COG5: variants seen among roughly 807,000 people sequenced by gnomAD.
COG5 encodes the protein component of oligomeric golgi complex 5, also known as conserved oligomeric Golgi complex subunit 5.
In COG5, 86 loss-of-function variants were observed where a neutral mutation model predicts 110.4. That is an observed-to-expected ratio of 0.78 (90% CI 0.65 to 0.93). The LOEUF is 0.93. Among genes scored for constraint, COG5 ranks in the 40% least tolerant of loss-of-function variants. The pLI is 0.00. For synonymous variants in COG5, 360 were observed against 334.6 expected, an observed-to-expected ratio of 1.08 and a Z score of -0.83; for missense variants, 1,077 against 987.0, an observed-to-expected ratio of 1.09 and a Z score of -1.22.
intron 6 of COG5, among the ~76,000 whole-genome samples, chr7:107,452,788 C>T (rs1200745523): frequency 6.6e-6 from 1 of 152,056 alleles, no homozygotes; most frequent in African/African-American, 2.4e-5. Flanking sequence ...TCTTGTATTC[C>T]CCATCTTTAA....
intron 7 of COG5, among the ~76,000 whole-genome samples, chr7:107,407,971 A>G (rs2129064344): frequency 6.6e-6 from 1 of 152,330 alleles, no homozygotes; most frequent in East Asian, 1.9e-4. Flanking sequence ...ACATGACTAG[A>G]TATGCCTTAT....
At chr7:107,315,193 T>C (rs994138582) in intron 11 of COG5, among the ~76,000 whole-genome samples, 1 of 151,898 alleles carries the variant, frequency 6.6e-6, no homozygotes. Flanking sequence ...CATTCTCATA[T>C]AGTTTGTTTT....
At chr7:107,511,255 T>A (rs1370797585) in intron 6 of COG5, among the ~76,000 whole-genome samples, 1 of 152,156 alleles carries the variant, frequency 6.6e-6, no homozygotes, top group Non-Finnish European at 1.5e-5. Flanking sequence ...CATCACAGAA[T>A]ACTACAAACA....
At position 107,399,075 on chromosome 7, in the gene COG5, G is replaced by T. The variant is rs140998242; in HGVS notation, c.669+13427C>A. On this transcript the variant is annotated intron_variant, in intron 7 of 21. Transcript: ENST00000297135. ...AAATTAGCTAGGTGTGGTGGCATGT[G>T]CCTGTAGCCCCAGCTACTCGGAAGT... is the stretch of plus-strand genomic sequence containing the variant. 2.6e-5 allele frequency among the ~76,000 whole-genome samples: 4 copies of T among 152,178 alleles called. No individual in the cohort carries two copies. In the East Asian group the frequency reaches 7.7e-4, roughly 29 times the overall value.
At chr7:107,282,389 C>T (rs1805240686) in intron 13 of COG5, among the ~76,000 whole-genome samples, 1 of 152,142 alleles carries the variant, frequency 6.6e-6, no homozygotes, top group Non-Finnish European at 1.5e-5. Context: ...GATCAAGTTA[C>T]TAAGACCTAT....
At chr7:107,464,141 C>T (rs1207830167) in intron 6 of COG5, among the ~76,000 whole-genome samples, 1 of 152,140 alleles carries the variant, frequency 6.6e-6, no homozygotes, top group Non-Finnish European at 1.5e-5. Flanking sequence ...CAGCTATGTA[C>T]CAGTCAGCAA....
chr7:107,335,648 T>C (rs550711301), intron 10 of COG5, among the ~76,000 whole-genome samples: 5 of 152,212 alleles, frequency 3.3e-5, no homozygotes, highest in South Asian at 4.1e-4. Context: ...ATGGATTCAA[T>C]TGTACAATTA....
At chr7:107,562,913 T>C (rs1006199497) in intron 1 of COG5, among the ~76,000 whole-genome samples, 2 of 152,224 alleles carry the variant, frequency 1.3e-5, no homozygotes, top group African/African-American at 2.4e-5. Flanking sequence ...TGCAAGATAC[T>C]GCTATTCACA....
At position 107,311,370 on chromosome 7, in the gene COG5, A is replaced by ATTTTTT. The variant is rs71134260; in HGVS notation, c.1109-13030_1109-13025dup. 4.5e-3 allele frequency among the ~76,000 whole-genome samples: 267 copies of ATTTTTT among 58,954 alleles called. 38 individuals carry two copies. The highest frequency in any genetic ancestry group is 6.2e-3 in the Non-Finnish European group (203 of 32,844). 38.7% of individuals were successfully genotyped at this position (58,954 alleles called of 152,430 possible). On this transcript the variant is annotated intron_variant, in intron 11 of 21. Coordinates refer to ENST00000297135, the MANE Select transcript of COG5 (RefSeq NM_006348.5). ...TATAAGTGATATCGAGCGTATTTAC[A>ATTTTTT]TTTTTTTTTTTTTTTTTTTTTTTTT...
intron 14 of COG5, among the ~76,000 whole-genome samples, chr7:107,270,227 C>T (rs115780095): frequency 0.015 from 2,204 of 150,424 alleles, 53 homozygotes; most frequent in African/African-American, 0.052. Flanking sequence ...GTTCTCTCTC[C>T]GGTTCTTAGC....
At chr7:107,282,588 GT>G (rs1805268243) in intron 13 of COG5, among the ~76,000 whole-genome samples, 1 of 152,088 alleles carries the variant, frequency 6.6e-6, no homozygotes, top group South Asian at 2.1e-4. Context: ...GTGGCGTGAT[GT>G]CGGCTCACTG....
intron 12 of COG5, among the ~76,000 whole-genome samples, chr7:107,294,910 TGTGTGTG>T (rs1806500689): frequency 8.9e-6 from 1 of 112,806 alleles, no homozygotes; most frequent in Non-Finnish European, 1.9e-5. Context: ...TGTGTGTGTG[TGTGTGTG>T]TGTGTGTATA....
chr7:107,239,651 TATAG>T (rs755229660), intron 17 of COG5, among the ~76,000 whole-genome samples: 4 of 152,214 alleles, frequency 2.6e-5, no homozygotes, highest in Non-Finnish European at 4.4e-5. Flanking sequence ...GTTTTCAGTG[TATAG>T]ATATTTTACT....
intron 10 of COG5, among the ~76,000 whole-genome samples, chr7:107,356,442 G>A (rs535248079): frequency 6.6e-6 from 1 of 152,278 alleles, no homozygotes; most frequent in South Asian, 2.1e-4. Context: ...GTGCAAACCT[G>A]CAGTCACAGC....
chr7:107,547,460 C>CA (rs1303624294), intron 5 of COG5, among the ~76,000 whole-genome samples: 1 of 152,090 alleles, frequency 6.6e-6, no homozygotes. Flanking sequence ...AGATCAGGAA[C>CA]AAAACAAGGA....
Position 107,256,680 on chromosome 7 carries a change from A to G in COG5, c.1749+52T>C, listed in dbSNP as rs1335109148. Reference sequence around the variant, plus strand: ...GTGACATTGCCCACTCAGCAAAACAAATAATCCTAAAACCACTTTGATCTA... The same window carrying G: ...GTGACATTGCCCACTCAGCAAAACAGATAATCCTAAAACCACTTTGATCTA... On this transcript the variant is annotated intron_variant, in intron 16 of 21. Coordinates refer to ENST00000297135, the MANE Select transcript of COG5 (RefSeq NM_006348.5). 11 of 1,303,940 alleles carry G rather than the reference A, an allele frequency of 8.4e-6. No homozygotes were observed. In the East Asian group the frequency reaches 2.6e-4, roughly 30 times the overall value. 80.8% of individuals were successfully genotyped at this position (1,303,940 alleles called of 1,614,324 possible).
At chr7:107,253,848 G>A (rs1802693418) in intron 16 of COG5, among the ~76,000 whole-genome samples, 1 of 152,112 alleles carries the variant, frequency 6.6e-6, no homozygotes, top group Non-Finnish European at 1.5e-5. Context: ...CCAGATGGCT[G>A]CTTGGCTCAC....
chr7:107,371,762 G>A (rs983577709), intron 8 of COG5, among the ~76,000 whole-genome samples: 2 of 152,058 alleles, frequency 1.3e-5, no homozygotes, highest in Admixed American at 6.5e-5. Flanking sequence ...GAGATGCAAA[G>A]AAAGAAACAT....
intron 7 of COG5, among the ~76,000 whole-genome samples, chr7:107,410,898 G>A (rs914966375): frequency 2.0e-5 from 3 of 152,128 alleles, no homozygotes; most frequent in Non-Finnish European, 2.9e-5. Context: ...TGATAAGGAG[G>A]GAAAGATTCT....
Sources: allele counts gnomAD v4.1 joint callset (sites outside exome capture counted in the v4.1 genomes callset), GRCh38; gene constraint gnomAD v4.1.1; transcripts MANE v1.5; gene names NCBI Gene and HGNC (gene_info 2026-07-23, HGNC 2026-07-21).